Variants in SRRM4 observed in about 807,000 individuals in gnomAD.
SRRM4 encodes the protein serine/arginine repetitive matrix 4, also known as serine/arginine repetitive matrix protein 4.
SRRM4 carries 33 observed loss-of-function variants against 68.9 expected under a neutral mutation model. The observed-to-expected ratio is 0.48, with a 90% confidence interval of 0.36 to 0.64. The LOEUF (loss-of-function observed/expected upper bound fraction) is 0.64, where lower values mean the gene tolerates loss of function less well. SRRM4 is among the 30% of genes least tolerant of loss of function. The pLI is 0.00. For synonymous variants in SRRM4, 318 were observed against 318.8 expected, an observed-to-expected ratio of 1.00 and a Z score of 0.03; for missense variants, 817 against 827.1, an observed-to-expected ratio of 0.99 and a Z score of 0.15.
At chr12:119,146,376 CAGG>C (rs1954401874) in intron 9 of SRRM4, among the ~76,000 whole-genome samples, 1 of 151,026 alleles carries the variant, frequency 6.6e-6, no homozygotes, top group South Asian at 2.1e-4. Context: ...CACCTGAGGT[CAGG>C]AGTTCGAGAC....
intron 1 of SRRM4, among the ~76,000 whole-genome samples, chr12:118,988,491 G>C (rs1953296954): frequency 6.6e-6 from 1 of 152,128 alleles, no homozygotes; most frequent in Non-Finnish European, 1.5e-5. Context: ...GTCCTTCATG[G>C]ACCAGCTCTA....
At chr12:119,099,298 T>C (rs1225546669) in intron 1 of SRRM4, among the ~76,000 whole-genome samples, 1 of 152,150 alleles carries the variant, frequency 6.6e-6, no homozygotes, top group Non-Finnish European at 1.5e-5. Flanking sequence ...CCATACCAGC[T>C]AATTCTTTTA....
intron 1 of SRRM4, among the ~76,000 whole-genome samples, chr12:119,071,748 C>T (rs758865183): frequency 2.6e-5 from 4 of 152,170 alleles, no homozygotes; most frequent in Admixed American, 6.5e-5. Flanking sequence ...TTTTGCACAG[C>T]ATGGCAGCTG....
rs775343743 is a variant in SRRM4 at position 119,151,190 on chromosome 12, C to T, written c.1250C>T (p.Thr417Ile). 3 of 1,614,024 alleles carry T rather than the reference C, an allele frequency of 1.9e-6. No individual in the cohort carries two copies. The highest frequency in any genetic ancestry group is 2.5e-6 in the Non-Finnish European group (3 of 1,179,890). ...AATCCCAGGGCTTCCCCCAGGTACA[C>T]CCAAAGCCGATCCACCTCTTCTGAA... ...SPNPRASPRY[T>I]QSRSTSSEKR... Residue 417 changes from threonine (T) to isoleucine (I), a missense_variant, in exon 10 of 13, where the codon ACC becomes ATC. Transcript: ENST00000267260.
intron 1 of SRRM4, among the ~76,000 whole-genome samples, chr12:119,088,543 C>T (rs756155299): frequency 2.0e-5 from 3 of 152,168 alleles, no homozygotes; most frequent in Non-Finnish European, 4.4e-5. Flanking sequence ...TCATCCTCAT[C>T]TTTAAAATGA....
chr12:119,050,941 G>A (rs1377566100), intron 1 of SRRM4, among the ~76,000 whole-genome samples: 2 of 152,034 alleles, frequency 1.3e-5, no homozygotes, highest in Non-Finnish European at 2.9e-5. Context: ...GCCACCTGTG[G>A]CTCCCATATT....
intron 8 of SRRM4, among the ~76,000 whole-genome samples, chr12:119,139,159 A>T (rs900957801): frequency 6.6e-6 from 1 of 152,224 alleles, no homozygotes; most frequent in South Asian, 2.1e-4. Context: ...ATCCTGTTGT[A>T]TCAATGTCGG....
intron 1 of SRRM4, among the ~76,000 whole-genome samples, chr12:119,083,257 C>A (rs1432165369): frequency 6.6e-6 from 1 of 152,046 alleles, no homozygotes; most frequent in Non-Finnish European, 1.5e-5. Flanking sequence ...CGACTCCTTA[C>A]CTGAGTGTAC....
intron 2 of SRRM4, among the ~76,000 whole-genome samples, chr12:119,109,141 A>T (rs1954126580): frequency 6.6e-6 from 1 of 152,102 alleles, no homozygotes; most frequent in South Asian, 2.1e-4. Context: ...AGAATGTTGA[A>T]TATTGGCCCC....
intron 1 of SRRM4, among the ~76,000 whole-genome samples, chr12:119,084,282 G>C (rs1213954763): frequency 2.0e-5 from 3 of 152,174 alleles, no homozygotes; most frequent in Non-Finnish European, 4.4e-5. Flanking sequence ...ATTGTCCTCT[G>C]CACCCTGGAA....
chr12:119,003,199 C>A (rs548913553), intron 1 of SRRM4, among the ~76,000 whole-genome samples: 32 of 151,878 alleles, frequency 2.1e-4, no homozygotes, highest in Admixed American at 9.8e-4. Flanking sequence ...TGGGCTGCAA[C>A]CTATGTTCGA....
chr12:119,121,876 A>G (rs996559510), intron 5 of SRRM4, among the ~76,000 whole-genome samples, 194 bp from the exon 6 acceptor site: 2 of 152,146 alleles, frequency 1.3e-5, no homozygotes, highest in African/African-American at 4.8e-5. Context: ...TCCTCAACAT[A>G]TGTGTGTGCG....
intron 7 of SRRM4, among the ~76,000 whole-genome samples, chr12:119,125,954 G>T (rs1954256474): frequency 6.6e-6 from 1 of 150,766 alleles, no homozygotes; most frequent in Admixed American, 6.6e-5. Flanking sequence ...AAGAGAAAGG[G>T]CTGGAGACCA....
At chr12:119,088,319 G>A (rs749951332) in intron 1 of SRRM4, among the ~76,000 whole-genome samples, 107 of 152,180 alleles carry the variant, frequency 7.0e-4, no homozygotes, top group Non-Finnish European at 9.0e-4. Context: ...TTCAGGTTCC[G>A]CAAAGGATTC....
chr12:119,141,140 G>T (rs556335615), intron 8 of SRRM4, among the ~76,000 whole-genome samples: 2 of 152,060 alleles, frequency 1.3e-5, no homozygotes, highest in Non-Finnish European at 2.9e-5. Context: ...ACAAGGTTTC[G>T]CCATGTTGGC....
chr12:119,075,632 G>C (rs1174037834), intron 1 of SRRM4, among the ~76,000 whole-genome samples: 1 of 145,646 alleles, frequency 6.9e-6, no homozygotes, highest in Admixed American at 6.9e-5. Context: ...GATGATGATA[G>C]TGGTAATGAT....
At position 119,161,059 on chromosome 12, in the gene SRRM4, A is replaced by G. The variant is rs372684537; in HGVS notation, c.*4261A>G. 23 of 152,316 alleles carry G rather than the reference A, an allele frequency of 1.5e-4. No homozygotes were observed. Among genetic ancestry groups the G allele is most frequent in the African/African-American group, 5.1e-4 (21 of 41,570 alleles). 9.4% of individuals were successfully genotyped at this position (152,316 alleles called of 1,614,324 possible). ...TTTGCTCAGACCCATCCTCTTTTGC[A>G]AAAGGGTCTGCTTGGAGAGGCCAAA... On this transcript the variant is annotated 3_prime_UTR_variant, in exon 13 of 13. Transcript: ENST00000267260.
chr12:119,089,577 G>C (rs1489993150), intron 1 of SRRM4, among the ~76,000 whole-genome samples: 1 of 152,194 alleles, frequency 6.6e-6, no homozygotes, highest in Non-Finnish European at 1.5e-5. Context: ...AATGACAAAG[G>C]ATGGAGCCTA....
intron 2 of SRRM4, among the ~76,000 whole-genome samples, chr12:119,111,707 A>C (rs1954144646): frequency 6.6e-6 from 1 of 152,174 alleles, no homozygotes; most frequent in South Asian, 2.1e-4. Context: ...TCACTCAGCA[A>C]ATATTGATTA....
Sources: gnomAD v4.1 joint callset for allele counts (sites outside exome capture counted in the v4.1 genomes callset) on GRCh38, gnomAD v4.1.1 for gene constraint, MANE v1.5 for transcripts, NCBI Gene and HGNC (gene_info 2026-07-23, HGNC 2026-07-21) for gene names.